The following CNTNAP5 variants were observed in gnomAD, a reference collection of about 807,000 sequenced individuals.
CNTNAP5 encodes contactin-associated protein-like 5.
A neutral mutation model predicts 150.2 loss-of-function variants in CNTNAP5; 72 were observed. The ratio of observed to expected loss-of-function variants is 0.48; its 90% CI spans 0.40 to 0.58. The LOEUF (loss-of-function observed/expected upper bound fraction) is 0.58. Among genes scored for constraint, CNTNAP5 ranks in the 20% least tolerant of loss-of-function variants. The pLI is 0.00. For missense variants in CNTNAP5, 1,636 were observed against 1,626.2 expected, an observed-to-expected ratio of 1.01 and a Z score of -0.10; for synonymous variants, 672 against 619.8, an observed-to-expected ratio of 1.08 and a Z score of -1.25.
intron 17 of CNTNAP5, among the ~76,000 whole-genome samples, chr2:124,784,149 T>A (rs1170146423): frequency 1.3e-5 from 2 of 152,046 alleles, no homozygotes; most frequent in African/African-American, 4.8e-5. Flanking sequence ...AAAAATAAAG[T>A]AAGGCAGGAA....
In CNTNAP5 at chr2:124,622,961, A is replaced by C. The variant is rs549134110; in HGVS notation, c.1876+13041A>C. On this transcript the variant is annotated intron_variant, in intron 12 of 23. Coordinates refer to ENST00000682447, the MANE Select transcript of CNTNAP5 (RefSeq NM_001367498.1). ...GCATTATGATGAAGTAGCTGGAATA[A>C]TTTTTATTTTATAAGTGCACGAATG... Among the ~76,000 whole-genome samples, 3 of 152,302 alleles carry C rather than the reference A, an allele frequency of 2.0e-5. No individual in the cohort carries two copies. In the South Asian group the frequency reaches 6.2e-4, roughly 32 times the overall value.
At chr2:124,883,927 T>C (rs1057149232) in intron 21 of CNTNAP5, among the ~76,000 whole-genome samples, 1 of 151,946 alleles carries the variant, frequency 6.6e-6, no homozygotes, top group Non-Finnish European at 1.5e-5. Context: ...TGTGTAAATG[T>C]ATGTCTGTGC....
chr2:124,676,112 T>C (rs1678934745), intron 13 of CNTNAP5, among the ~76,000 whole-genome samples: 1 of 152,224 alleles, frequency 6.6e-6, no homozygotes, highest in Admixed American at 6.5e-5. Flanking sequence ...TTAATTAGCA[T>C]TGTTTTCAGC....
chr2:124,306,016 C>A (rs974281577), intron 3 of CNTNAP5, among the ~76,000 whole-genome samples: 3 of 152,100 alleles, frequency 2.0e-5, no homozygotes, highest in Non-Finnish European at 4.4e-5. Context: ...ATTTCCAGTT[C>A]TTTGCACTCT....
At chr2:124,330,824 G>A (rs540768262) in intron 3 of CNTNAP5, among the ~76,000 whole-genome samples, 1 of 152,156 alleles carries the variant, frequency 6.6e-6, no homozygotes, top group African/African-American at 2.4e-5. Context: ...CCAAATTGCT[G>A]GAAGTCATAG....
intron 19 of CNTNAP5, among the ~76,000 whole-genome samples, chr2:124,803,659 A>G (rs1682019520): frequency 6.6e-6 from 1 of 152,190 alleles, no homozygotes; most frequent in Admixed American, 6.5e-5. Context: ...CATTCAAAAG[A>G]TGCACTGTCT....
At chr2:124,872,398 G>T (rs951071697) in intron 21 of CNTNAP5, among the ~76,000 whole-genome samples, 2 of 151,306 alleles carry the variant, frequency 1.3e-5, no homozygotes, top group East Asian at 1.9e-4. Flanking sequence ...GTGTGTGTGT[G>T]TGTGTGTGTG....
intron 1 of CNTNAP5, among the ~76,000 whole-genome samples, chr2:124,081,238 G>T (rs55867537): frequency 6.6e-6 from 1 of 151,690 alleles, no homozygotes; most frequent in African/African-American, 2.4e-5. Context: ...TTCTTACACC[G>T]TCTAAAATCA....
At chr2:124,469,883 T>C (rs892298895) in intron 6 of CNTNAP5, among the ~76,000 whole-genome samples, 1 of 152,202 alleles carries the variant, frequency 6.6e-6, no homozygotes, top group African/African-American at 2.4e-5. Context: ...GCTGCATCCA[T>C]GTTCCTGCAA....
chr2:124,374,105 C>T (rs531685075), intron 3 of CNTNAP5, among the ~76,000 whole-genome samples: 12 of 152,060 alleles, frequency 7.9e-5, no homozygotes, highest in African/African-American at 2.4e-4. Context: ...AATAAAGAGA[C>T]TGGTACTATA....
intron 1 of CNTNAP5, among the ~76,000 whole-genome samples, chr2:124,076,407 A>C (rs1337306526): frequency 1.3e-5 from 2 of 152,132 alleles, no homozygotes; most frequent in Admixed American, 1.3e-4. Context: ...TATTACGATT[A>C]TAATATTACA....
intron 5 of CNTNAP5, among the ~76,000 whole-genome samples, chr2:124,444,753 A>C (rs891792816): frequency 6.6e-5 from 10 of 152,280 alleles, no homozygotes; most frequent in African/African-American, 2.4e-4. Flanking sequence ...AGCTCCTGGC[A>C]CTCAGCCGCT....
chr2:124,464,040 G>A (rs1461015913), intron 6 of CNTNAP5, among the ~76,000 whole-genome samples: 1 of 152,140 alleles, frequency 6.6e-6, no homozygotes, highest in African/African-American at 2.4e-5. Context: ...ATATAAACAT[G>A]ATCAATAAGT....
chr2:124,657,725 T>TA (rs1346365081), intron 13 of CNTNAP5, among the ~76,000 whole-genome samples: 1 of 152,330 alleles, frequency 6.6e-6, no homozygotes, highest in African/African-American at 2.4e-5. Context: ...CTCCCATTAA[T>TA]ACAGTGAACT....
At chr2:124,744,737 A>C (rs2105142223) in intron 13 of CNTNAP5, among the ~76,000 whole-genome samples, 1 of 152,290 alleles carries the variant, frequency 6.6e-6, no homozygotes. Flanking sequence ...GCAATGGCCA[A>C]AATTTACAGC....
intron 3 of CNTNAP5, among the ~76,000 whole-genome samples, chr2:124,337,916 C>G (rs1689516955): frequency 6.6e-6 from 1 of 151,762 alleles, no homozygotes; most frequent in African/African-American, 2.4e-5. Flanking sequence ...TGAAGAAAGT[C>G]ATTGGTGGGA....
intron 13 of CNTNAP5, among the ~76,000 whole-genome samples, chr2:124,702,351 T>TGAACAC (rs1276070863): frequency 9.7e-5 from 2 of 20,528 alleles, no homozygotes; most frequent in East Asian, 7.5e-4. Flanking sequence ...GAACACTTTT[T>TGAACAC]TTTTTTTTTT....
chr2:124,045,689 A>G (rs1242387055), intron 1 of CNTNAP5, among the ~76,000 whole-genome samples: 1 of 152,228 alleles, frequency 6.6e-6, no homozygotes. Context: ...TGCACTGTGT[A>G]GACAATAATA....
intron 9 of CNTNAP5, among the ~76,000 whole-genome samples, chr2:124,526,492 C>T (rs1694971447): frequency 6.6e-6 from 1 of 152,134 alleles, no homozygotes; most frequent in Admixed American, 6.5e-5. Flanking sequence ...CCCATATGCT[C>T]TGAACCTATT....
Sources: allele counts gnomAD v4.1 joint callset (sites outside exome capture counted in the v4.1 genomes callset), GRCh38; gene constraint gnomAD v4.1.1; transcripts MANE v1.5; gene names NCBI Gene and HGNC (gene_info 2026-07-23, HGNC 2026-07-21).